LRCH2: variants seen among roughly 807,000 people sequenced by gnomAD.
LRCH2 encodes leucine-rich repeat and calponin homology domain-containing protein 2.
A neutral mutation model predicts 68.9 loss-of-function variants in LRCH2; 38 were observed. That is an observed-to-expected ratio of 0.55 (90% CI 0.43 to 0.72). The LOEUF (loss-of-function observed/expected upper bound fraction) is 0.72, where lower values mean the gene tolerates loss of function less well. Ranked by LOEUF, LRCH2 falls within the 30% of genes least tolerant of loss-of-function variation. LRCH2 has a pLI of 0.00. For synonymous variants in LRCH2, 191 were observed against 208.1 expected, an observed-to-expected ratio of 0.92 and a Z score of 0.71; for missense variants, 528 against 572.9, an observed-to-expected ratio of 0.92 and a Z score of 0.80.
At chrX:115,188,154 T>C (rs2072747881) in intron 2 of LRCH2, 72 bp downstream of exon 2, 1 of 774,636 alleles carries the variant, frequency 1.3e-6, no homozygotes, top group Non-Finnish European at 1.8e-6. Flanking sequence ...AAATCAAACA[T>C]ATTCCTTTGC....
rs2073106403 is a variant in LRCH2, at chrX:115,224,594, G to A, written c.349+9099C>T. 2.8e-5 allele frequency among the ~76,000 whole-genome samples: 3 copies of A among 108,736 alleles called. No individual in the cohort carries two copies. The Admixed American group carries it at 2.9e-4, about 11-fold the overall frequency. The allele number at this position is 108,736 out of a possible 115,157, so 94.4% of individuals were successfully genotyped here. A position where few individuals can be genotyped will look rare whatever the true frequency, so the allele number is the denominator to read the frequency against. On this transcript the variant is annotated intron_variant, in intron 1 of 20. Coordinates refer to ENST00000317135, the MANE Select transcript of LRCH2 (RefSeq NM_020871.4). ...AGCTACTCGGGAGGCTGAGGTAGGA[G>A]GATCACTTGAGCCTGGGAGGTTGAG...
intron 1 of LRCH2, chrX:115,190,777 G>A: frequency 8.6e-7 from 1 of 1,166,641 alleles, no homozygotes; most frequent in Non-Finnish European, 1.1e-6. Flanking sequence ...CCACAGCAGG[G>A]GCCGGTCCGA....
chrX:115,192,536 G>C, intron 1 of LRCH2: 2 of 1,169,415 alleles, frequency 1.7e-6, no homozygotes. Context: ...ATGGAAACGG[G>C]CAGCCCTCCC....
Position 115,165,959 on chromosome X carries a change from GGAA to G in LRCH2, c.1087-10_1087-8del. On this transcript the variant is annotated splice_region_variant and splice_polypyrimidine_tract_variant and intron_variant, in intron 7 of 20. Coordinates refer to ENST00000317135, the MANE Select transcript of LRCH2 (RefSeq NM_020871.4). ...CTGTGTCATCATCTGATGGCTAAAAGGAATAAGCAAAAAGTACAAATGAGGCAT... is the reference window on the plus strand; with the variant it reads ...CTGTGTCATCATCTGATGGCTAAAAGTAAGCAAAAAGTACAAATGAGGCAT... 2 of 1,108,359 alleles carry G rather than the reference GGAA, an allele frequency of 1.8e-6. No homozygotes were observed. Among genetic ancestry groups the G allele is most frequent in the Non-Finnish European group, 2.4e-6 (2 of 822,610 alleles). The allele number at this position is 1,108,359 out of a possible 1,213,427, so 91.3% of individuals were successfully genotyped here.
chrX:115,187,798 A>T (rs1475110292), intron 2 of LRCH2, among the ~76,000 whole-genome samples: 1 of 112,852 alleles, frequency 8.9e-6, no homozygotes, highest in Non-Finnish European at 1.9e-5. Context: ...AGTGAGAAAA[A>T]ATAACTCAAG....
chrX:115,182,831 C>CAAAAAA (rs1164477909), intron 3 of LRCH2, among the ~76,000 whole-genome samples: 2 of 26,261 alleles, frequency 7.6e-5, no homozygotes, highest in South Asian at 2.4e-3. Flanking sequence ...AACTTCGTCT[C>CAAAAAA]AAAAAAAAAA....
chrX:115,167,532 A>T (rs1556545809), intron 6 of LRCH2, among the ~76,000 whole-genome samples: 1 of 110,726 alleles, frequency 9.0e-6, no homozygotes, highest in Non-Finnish European at 1.9e-5. Context: ...GTGGATGAAG[A>T]GGCAATAACT....
At chrX:115,188,764 G>A (rs1390044968) in intron 1 of LRCH2, among the ~76,000 whole-genome samples, 2 of 111,517 alleles carry the variant, frequency 1.8e-5, no homozygotes, top group Admixed American at 9.5e-5. Flanking sequence ...CCAGGAGGCG[G>A]AGGTTGCAGG....
rs1206593440 is a variant in LRCH2 at position 115,225,784 on chromosome X, A to G, written c.349+7909T>C. Among the ~76,000 whole-genome samples the G allele has an allele frequency of 2.7e-5, 3 of 110,870 alleles. No homozygotes were observed. In the East Asian group the frequency reaches 8.4e-4, roughly 31 times the overall value. ...AACCAACAGAAAATGGGCAAAATAA[A>G]TGAAAAGCTATTTCACAGTACAGGA... On this transcript the variant is annotated intron_variant, in intron 1 of 20. Transcript: ENST00000317135.
rs187668034 is a variant in LRCH2 at position 115,131,675 on chromosome X, C to T, written c.1696-1476G>A. 2.3e-4 allele frequency among the ~76,000 whole-genome samples: 26 copies of T among 111,649 alleles called. No individual in the cohort carries two copies. The East Asian group carries it at 6.8e-3, about 29-fold the overall frequency. On this transcript the variant is annotated intron_variant, in intron 14 of 20. Coordinates refer to ENST00000317135, the MANE Select transcript of LRCH2 (RefSeq NM_020871.4). ...TTCTAGTTCTAGAACCTCGAGGAAT[C>T]GCCACACTGTCTTCCACAACGGTTG... is the stretch of plus-strand genomic sequence containing the variant.
intron 11 of LRCH2, among the ~76,000 whole-genome samples, chrX:115,161,930 G>GTTTTTTTTTTT (rs71986178): frequency 1.2e-5 from 1 of 82,806 alleles, no homozygotes; most frequent in Non-Finnish European, 2.2e-5. Context: ...AGGCCTGTCG[G>GTTTTTTTTTTT]TTTTTTTTTT....
intron 1 of LRCH2, among the ~76,000 whole-genome samples, chrX:115,206,537 A>G (rs781917383): frequency 3.6e-5 from 4 of 112,624 alleles, no homozygotes; most frequent in African/African-American, 1.3e-4. Flanking sequence ...TATCGCAGGT[A>G]ACTAGCCAGA....
intron 5 of LRCH2, among the ~76,000 whole-genome samples, chrX:115,174,378 G>A (rs2072629061): frequency 9.2e-6 from 1 of 109,186 alleles, no homozygotes; most frequent in Non-Finnish European, 1.9e-5. Flanking sequence ...ACACCCCCCA[G>A]CCCCTGGTAA....
At chrX:115,161,879 T>C (rs2072521412) in intron 11 of LRCH2, among the ~76,000 whole-genome samples, 1 of 109,748 alleles carries the variant, frequency 9.1e-6, no homozygotes, top group Non-Finnish European at 1.9e-5. Flanking sequence ...TCTATAATTA[T>C]GCACTCAAAT....
At chrX:115,165,686 G>A (rs2072553594) in intron 8 of LRCH2, 31 bp from the exon 9 acceptor site, 1 of 1,021,933 alleles carries the variant, frequency 9.8e-7, no homozygotes, top group Non-Finnish European at 1.3e-6. Flanking sequence ...ATTAGAAAAT[G>A]TACATAGTAA....
intron 12 of LRCH2, among the ~76,000 whole-genome samples, chrX:115,150,831 T>C (rs1283745195): frequency 1.8e-5 from 2 of 110,849 alleles, no homozygotes; most frequent in African/African-American, 6.5e-5. Context: ...AAGAAAAACA[T>C]ACAAAAGTTA....
At chrX:115,161,344 ACT>A (rs1295344231) in intron 11 of LRCH2, among the ~76,000 whole-genome samples, 3 of 110,318 alleles carry the variant, frequency 2.7e-5, no homozygotes, top group African/African-American at 9.9e-5. Flanking sequence ...ACAGAGCAAG[ACT>A]CTGTCTCAAA....
intron 5 of LRCH2, among the ~76,000 whole-genome samples, chrX:115,178,593 T>G (rs1423815881): frequency 8.9e-6 from 1 of 112,132 alleles, no homozygotes; most frequent in Non-Finnish European, 1.9e-5. Flanking sequence ...AACTTGAATC[T>G]GATTGCCTTC....
chrX:115,144,668 A>G (rs1365919130), intron 14 of LRCH2, among the ~76,000 whole-genome samples: 1 of 111,859 alleles, frequency 8.9e-6, no homozygotes, highest in Non-Finnish European at 1.9e-5. Context: ...GAACAATCTA[A>G]AAAAGAAATT....
Sources: allele counts gnomAD v4.1 joint callset (sites outside exome capture counted in the v4.1 genomes callset), GRCh38; gene constraint gnomAD v4.1.1; transcripts MANE v1.5; gene names NCBI Gene and HGNC (gene_info 2026-07-23, HGNC 2026-07-21).